HMCN2: variants seen among roughly 807,000 people sequenced by gnomAD.
HMCN2 encodes the protein hemicentin-2.
HMCN2 carries 325 observed loss-of-function variants against 377.5 expected under a neutral mutation model. The observed-to-expected ratio is 0.86, with a 90% CI of 0.79 to 0.94. The LOEUF (loss-of-function observed/expected upper bound fraction) is 0.94. Ranked by LOEUF, HMCN2 falls within the 40% of genes least tolerant of loss-of-function variation. The pLI, the probability that HMCN2 is intolerant of heterozygous loss-of-function variation, is 0.00. For synonymous variants in HMCN2, 2,007 were observed against 2,046.8 expected (o/e 0.98, Z 0.53); for missense variants, 4,543 against 4,725.3 (o/e 0.96, Z 1.13).
intron 96 of HMCN2, among the ~76,000 whole-genome samples, chr9:130,431,832 A>G (rs1442328227): frequency 6.6e-6 from 1 of 152,228 alleles, no homozygotes; most frequent in Admixed American, 6.5e-5. Context: ...CCCCTCTCAG[A>G]TAGCTGGGAT....
intron 79 of HMCN2, among the ~76,000 whole-genome samples, 175 bp downstream of exon 79, chr9:130,403,503 C>G (rs1842953385): frequency 6.6e-6 from 1 of 152,230 alleles, no homozygotes; most frequent in African/African-American, 2.4e-5. Context: ...CTCCCCAACC[C>G]TTCTCCTGTC....
chr9:130,332,002 G>A (rs1406690682), intron 22 of HMCN2, among the ~76,000 whole-genome samples: 3 of 152,216 alleles, frequency 2.0e-5, no homozygotes, highest in Non-Finnish European at 2.9e-5. Flanking sequence ...CCCTTCTCCT[G>A]GAAGGGGACC....
chr9:130,358,108 C>A, intron 35 of HMCN2, 120 bp downstream of exon 35: 1 of 876,312 alleles, frequency 1.1e-6, no homozygotes, highest in Non-Finnish European at 1.5e-6. Context: ...GGGCCCAGAG[C>A]CCTCTCAGCC....
At chr9:130,333,489 GGCTCAA>G (rs1188762116) in intron 22 of HMCN2, among the ~76,000 whole-genome samples, 1 of 152,188 alleles carries the variant, frequency 6.6e-6, no homozygotes, top group East Asian at 1.9e-4. Context: ...TCACTGCAGG[GGCTCAA>G]GCCAGATGGA....
In HMCN2 at chr9:130,316,701, G is replaced by A. The variant is rs1019585958; in HGVS notation, c.2351-2794G>A. On this transcript the variant is annotated intron_variant, in intron 15 of 97. Coordinates refer to ENST00000683500, the MANE Select transcript of HMCN2 (RefSeq NM_001291815.2). ...ACTGACTGTGGCTAAGGCAGAAAGG[G>A]TCATTCCTGTGGAGCCACGGTGGCC... Among the ~76,000 whole-genome samples, 310 of 152,346 alleles carry A rather than the reference G, an allele frequency of 2.0e-3. 6 individuals carry two copies. In the East Asian group the frequency reaches 0.057, roughly 28 times the overall value.
chr9:130,406,329 C>A, intron 82 of HMCN2, 161 bp downstream of exon 82: 1 of 485,038 alleles, frequency 2.1e-6, no homozygotes, highest in Non-Finnish European at 3.6e-6. Context: ...GGGGACAGGG[C>A]AAACCCAGCT....
intron 19 of HMCN2, 118 bp downstream of exon 19, chr9:130,322,049 A>G (rs931859824): frequency 6.6e-6 from 1 of 152,122 alleles, no homozygotes; most frequent in Non-Finnish European, 1.5e-5. Flanking sequence ...TGCAAATCAT[A>G]TATATTCTCT....
At chr9:130,420,537 C>T (rs184895362) in intron 86 of HMCN2, among the ~76,000 whole-genome samples, 142 of 152,260 alleles carry the variant, frequency 9.3e-4, no homozygotes, top group African/African-American at 3.4e-3. Context: ...CTGATTGTCT[C>T]ATAGTTCTGG....
intron 41 of HMCN2, 121 bp from the exon 42 acceptor site, chr9:130,365,510 T>C: frequency 3.4e-6 from 1 of 291,154 alleles, no homozygotes. Context: ...TGCCCCGTGC[T>C]CCAAGTGGGC....
At chr9:130,277,967 C>T (rs1353083566) in intron 1 of HMCN2, among the ~76,000 whole-genome samples, 11 of 101,376 alleles carry the variant, frequency 1.1e-4, no homozygotes, top group African/African-American at 1.6e-4. Context: ...ACCACCACCA[C>T]CATCATCATC....
At chr9:130,344,362 G>GGTGT (rs1248933462) in intron 25 of HMCN2, among the ~76,000 whole-genome samples, 2 of 151,340 alleles carry the variant, frequency 1.3e-5, no homozygotes, top group East Asian at 1.9e-4. Context: ...TGTAGTATGT[G>GGTGT]GTGTGTGTGT....
In HMCN2 at chr9:130,352,957, C is replaced by T; in HGVS notation, c.4616C>T (p.Thr1539Ile). ...CCCACTATCTGGGGCTCCAACGAGA[C>T]AGGCGAGGTGGCCGTCATGGAGGAC... Reference protein sequence around the residue: ...APPTIWGSNETGEVAVMEDHL... With the variant: ...APPTIWGSNEIGEVAVMEDHL... The change falls in exon 31 of 98, where the codon ACA (threonine) becomes ATA (isoleucine). Residue 1539 changes from threonine (T) to isoleucine (I), a missense_variant. Around this residue, in one of 5 missense-constraint regions of HMCN2, gnomAD observed 1,032 missense variants for 1,285.1 expected, o/e 0.80. Coordinates refer to ENST00000683500, the MANE Select transcript of HMCN2 (RefSeq NM_001291815.2). 7.7e-7 allele frequency: 1 copy of T among 1,298,896 alleles called. No homozygotes were observed. 80.5% of individuals were successfully genotyped at this position (1,298,896 alleles called of 1,614,324 possible). A position where few individuals can be genotyped will look rare whatever the true frequency, so the allele number is the denominator to read the frequency against.
At chr9:130,310,815 G>A (rs1837208375) in intron 15 of HMCN2, among the ~76,000 whole-genome samples, 1 of 152,160 alleles carries the variant, frequency 6.6e-6, no homozygotes, top group East Asian at 1.9e-4. Flanking sequence ...ATATGCCTTG[G>A]TCATGCCATG....
rs1006232777 is a variant in HMCN2 at position 130,362,182 on chromosome 9, G to T, written c.6108+17G>T. 6.1e-6 allele frequency: 6 copies of T among 985,762 alleles called. No individual in the cohort carries two copies. In the Admixed American group the frequency reaches 3.7e-4, roughly 61 times the overall value. 61.1% of individuals were successfully genotyped at this position (985,762 alleles called of 1,614,324 possible). A position where few individuals can be genotyped will look rare whatever the true frequency, so the allele number is the denominator to read the frequency against. ...GGCCTGCAGGTCAGTAGGGCTGGGT[G>T]GCCCCGGCTCAACCTCCCTGCACCT... is the stretch of plus-strand genomic sequence containing the variant. On this transcript the variant is annotated intron_variant, in intron 39 of 97. Transcript: ENST00000683500.
chr9:130,348,978 A>T lies in HMCN2; in HGVS notation c.4156-6A>T. 2 of 1,303,602 alleles carry T rather than the reference A, an allele frequency of 1.5e-6. No individual in the cohort carries two copies. The highest frequency in any genetic ancestry group is 2.5e-5 in the South Asian group (2 of 80,988). 80.8% of individuals were successfully genotyped at this position (1,303,602 alleles called of 1,614,324 possible). On this transcript the variant is annotated splice_region_variant and splice_polypyrimidine_tract_variant and intron_variant, in intron 27 of 97. Transcript: ENST00000683500. Reference sequence around the variant, plus strand: ...TTACTGGCTCCCTCTGGCCTCTCCTACCCAGATTCCTAAGGTGGGCGGCCA... The same window carrying T: ...TTACTGGCTCCCTCTGGCCTCTCCTTCCCAGATTCCTAAGGTGGGCGGCCA...
At position 130,360,342 on chromosome 9, in the gene HMCN2, T is replaced by G; in HGVS notation, c.5774-86T>G. 1 of 697,716 alleles carries G rather than the reference T, an allele frequency of 1.4e-6. No individual in the cohort carries two copies. Among genetic ancestry groups the G allele is most frequent in the Non-Finnish European group, 1.9e-6 (1 of 532,834 alleles). The allele number at this position is 697,716 out of a possible 1,614,324, so 43.2% of individuals were successfully genotyped here. On this transcript the variant is annotated intron_variant, in intron 37 of 97. Coordinates refer to ENST00000683500, the MANE Select transcript of HMCN2 (RefSeq NM_001291815.2). This position sits in a 1 kb window ranked among gnomAD's most constrained non-coding sequence, Gnocchi z 4.7. ...TCTCTCTTCCTTTCCCCCTTGCATC[T>G]CTCTTCCTTTCCCCCTTACTTCTCT...
At position 130,361,934 on chromosome 9, in the gene HMCN2, T is replaced by C. The variant is rs1588310866; in HGVS notation, c.5951-74T>C. On this transcript the variant is annotated intron_variant, in intron 38 of 97. Coordinates refer to ENST00000683500, the MANE Select transcript of HMCN2 (RefSeq NM_001291815.2). This position sits in a 1 kb window ranked among gnomAD's most constrained non-coding sequence, Gnocchi z 4.8. ...CTGTGGCTGTGTGCTCCTGCAGGGG[T>C]GCCCAGCCAGGGGCCCTGCCTGCTT... 1.1e-6 allele frequency: 1 copy of C among 935,434 alleles called. No homozygotes were observed. The highest frequency in any genetic ancestry group is 1.8e-5 in the African/African-American group (1 of 56,260). 57.9% of individuals were successfully genotyped at this position (935,434 alleles called of 1,614,324 possible).
At chr9:130,305,984 G>T (rs946219344) in intron 11 of HMCN2, 145 bp from the exon 12 acceptor site, 8 of 374,658 alleles carry the variant, frequency 2.1e-5, no homozygotes, top group Non-Finnish European at 4.5e-5. Flanking sequence ...AGCCACACCC[G>T]GGAGATTGAA....
intron 8 of HMCN2, among the ~76,000 whole-genome samples, chr9:130,301,644 C>G (rs1020781794): frequency 2.0e-5 from 3 of 152,242 alleles, no homozygotes; most frequent in East Asian, 1.9e-4. Context: ...CACCCCTCCC[C>G]CCCCGGGACA....
Sources: allele counts gnomAD v4.1 joint callset (sites outside exome capture counted in the v4.1 genomes callset), GRCh38; gene constraint gnomAD v4.1.1; regional missense constraint gnomAD v4.1.1; non-coding constraint Gnocchi (gnomAD v3.1); transcripts MANE v1.5; gene names NCBI Gene and HGNC (gene_info 2026-07-23, HGNC 2026-07-21).